Variants in PDE4D observed in about 807,000 individuals in gnomAD.
The protein encoded by PDE4D is 3',5'-cyclic-AMP phosphodiesterase 4D.
Under a neutral mutation model 87.4 loss-of-function variants are expected in PDE4D, and 24 were observed. The ratio of observed to expected loss-of-function variants is 0.27; its 90% CI spans 0.20 to 0.39. The LOEUF is 0.39. Ranked by LOEUF, PDE4D falls within the 10% of genes least tolerant of loss-of-function variation. The pLI is 1.00. For missense variants in PDE4D, 714 were observed against 1,041.0 expected (o/e 0.69, Z 4.32); for synonymous variants, 384 against 383.2 (o/e 1.00, Z -0.02).
chr5:59,528,044 G>A lies in PDE4D; in HGVS notation c.456-312076C>T, dbSNP rs540363045. Among the ~76,000 whole-genome samples, 4 of 152,266 alleles carry A rather than the reference G, an allele frequency of 2.6e-5. No individual in the cohort carries two copies. In the South Asian group the frequency reaches 6.2e-4, roughly 24 times the overall value. ...TTAAAGTCAATGATGTGAACTGCAC[G>A]CTTAAAGGTAAGCAAAATTCTTTTA... is the stretch of plus-strand genomic sequence containing the variant. On this transcript the variant is annotated intron_variant, in intron 1 of 14. Transcript: ENST00000340635.
chr5:59,128,410 T>G (rs769985036), intron 5 of PDE4D, among the ~76,000 whole-genome samples: 17 of 152,140 alleles, frequency 1.1e-4, no homozygotes, highest in Non-Finnish European at 2.1e-4. Context: ...TGTTAAGAGG[T>G]CTGCTCTCAA....
intron 1 of PDE4D, among the ~76,000 whole-genome samples, chr5:59,336,352 T>C (rs1256760539): frequency 6.6e-6 from 1 of 152,254 alleles, no homozygotes; most frequent in African/African-American, 2.4e-5. Context: ...CATCCATCAG[T>C]AACCTCAACA....
At chr5:59,219,213 G>T (rs574792805) in intron 1 of PDE4D, among the ~76,000 whole-genome samples, 2 of 150,106 alleles carry the variant, frequency 1.3e-5, no homozygotes, top group Middle Eastern at 3.5e-3. Flanking sequence ...AAAAAGAAAA[G>T]AAAAAAAATA....
intron 2 of PDE4D, among the ~76,000 whole-genome samples, chr5:60,066,884 A>G (rs955510727): frequency 6.6e-6 from 1 of 152,248 alleles, no homozygotes; most frequent in East Asian, 1.9e-4. Context: ...AGCTCAATAC[A>G]GCATTTTACT....
intron 5 of PDE4D, among the ~76,000 whole-genome samples, chr5:59,096,509 A>G (rs946857438): frequency 2.6e-5 from 4 of 152,136 alleles, no homozygotes; most frequent in Admixed American, 2.6e-4. Flanking sequence ...ACTGTGATTG[A>G]CTGATTGGTT....
In PDE4D at chr5:60,191,696, G is replaced by T. The variant is rs74714355; in HGVS notation, c.-89-6009C>A. Among the ~76,000 whole-genome samples the T allele has an allele frequency of 5.3e-4, 80 of 152,264 alleles. 1 individual carries two copies. In the East Asian group the frequency reaches 0.015, roughly 29 times the overall value. ...GTCTCTTCCATACTGCAAGTTGTATGATTAAAAAATATAACTTCTACCAGG... is the reference window on the plus strand; with the variant it reads ...GTCTCTTCCATACTGCAAGTTGTATTATTAAAAAATATAACTTCTACCAGG... On this transcript the variant is annotated intron_variant, in intron 1 of 16. Transcript: ENST00000502484.
rs58938460 is a variant in PDE4D, at chr5:60,172,265, T to TACACACAC, written c.42+13284_42+13291dup. Among the ~76,000 whole-genome samples the TACACACAC allele has an allele frequency of 5.1e-3, 725 of 140,996 alleles. 3 individuals are homozygous for TACACACAC. Among genetic ancestry groups the TACACACAC allele is most frequent in the African/African-American group, 9.1e-3 (345 of 38,100 alleles). The allele number at this position is 140,996 out of a possible 152,430, so 92.5% of individuals were successfully genotyped here. On this transcript the variant is annotated intron_variant, in intron 2 of 16. Coordinates refer to the PDE4D transcript ENST00000502484. ...CATAACCTTATGCCAAGTACTTCAA[T>TACACACAC]ACACACACACACACACACACACACA...
At chr5:60,340,021 A>G (rs1399725361) in intron 1 of PDE4D, among the ~76,000 whole-genome samples, 1 of 152,242 alleles carries the variant, frequency 6.6e-6, no homozygotes, top group Non-Finnish European at 1.5e-5. Context: ...TCAATAAGCC[A>G]GATTATAAAC....
chr5:60,410,272 A>G (rs1010913305), intron 1 of PDE4D, among the ~76,000 whole-genome samples: 11 of 152,148 alleles, frequency 7.2e-5, no homozygotes, highest in African/African-American at 2.7e-4. Flanking sequence ...AAGTGCGATC[A>G]GTGGACACCA....
At chr5:60,401,296 G>T (rs187720480) in intron 1 of PDE4D, among the ~76,000 whole-genome samples, 219 of 152,292 alleles carry the variant, frequency 1.4e-3, no homozygotes, top group Non-Finnish European at 2.4e-3. Context: ...TTATTTTATG[G>T]TTAGGCTTTT....
chr5:60,498,102 C>T (rs987541402), intron 1 of PDE4D, among the ~76,000 whole-genome samples: 24 of 151,938 alleles, frequency 1.6e-4, no homozygotes, highest in Non-Finnish European at 3.1e-4. Context: ...GTTTGGATAA[C>T]AGAAAGAAGG....
At chr5:59,359,111 T>C (rs1205827255) in intron 1 of PDE4D, among the ~76,000 whole-genome samples, 1 of 152,214 alleles carries the variant, frequency 6.6e-6, no homozygotes. Context: ...GACATACGAA[T>C]AATCTAGAAT....
intron 1 of PDE4D, among the ~76,000 whole-genome samples, chr5:60,474,153 A>ATATAT (rs1477103420): frequency 3.4e-4 from 15 of 44,250 alleles, no homozygotes; most frequent in African/African-American, 1.9e-3. Context: ...TATATATAAC[A>ATATAT]AAAACCTTAG....
At chr5:60,145,246 C>G (rs536652017) in intron 2 of PDE4D, among the ~76,000 whole-genome samples, 1 of 152,248 alleles carries the variant, frequency 6.6e-6, no homozygotes, top group African/African-American at 2.4e-5. Context: ...ATATTTTCTG[C>G]CAGAGTGACA....
At chr5:59,440,575 A>C (rs2153635862) in intron 1 of PDE4D, among the ~76,000 whole-genome samples, 1 of 152,278 alleles carries the variant, frequency 6.6e-6, no homozygotes, top group East Asian at 1.9e-4. Context: ...TTGGGAGTTC[A>C]AGACCATCCT....
chr5:59,503,068 G>A (rs1808611546), intron 1 of PDE4D, among the ~76,000 whole-genome samples: 2 of 152,060 alleles, frequency 1.3e-5, no homozygotes, highest in African/African-American at 4.8e-5. Context: ...GCATCAGAAA[G>A]CATAATTTAA....
In PDE4D at chr5:59,365,527, A is replaced by T. The variant is rs541793905; in HGVS notation, c.456-149559T>A. Among the ~76,000 whole-genome samples, 12 of 152,298 alleles carry T rather than the reference A, an allele frequency of 7.9e-5. No individual in the cohort carries two copies. The South Asian group carries it at 2.5e-3, about 32-fold the overall frequency. On this transcript the variant is annotated intron_variant, in intron 1 of 14. Coordinates refer to ENST00000340635, the MANE Select transcript of PDE4D (RefSeq NM_001104631.2). ...TTTTCAGATCATCAACATTAAAAAC[A>T]TATCAAATGAGTTATTTTTGGTGAA...
chr5:59,829,413 C>T (rs1561729160), intron 1 of PDE4D, among the ~76,000 whole-genome samples: 1 of 151,856 alleles, frequency 6.6e-6, no homozygotes, highest in South Asian at 2.1e-4. Context: ...TGAATTACTT[C>T]CTTACTCTCT....
At chr5:60,259,014 CT>C (rs1169024270) in intron 1 of PDE4D, among the ~76,000 whole-genome samples, 7 of 151,954 alleles carry the variant, frequency 4.6e-5, no homozygotes, top group African/African-American at 1.7e-4. Context: ...TTTTCCCCTA[CT>C]TTCAAAACAT....
Sources: allele counts gnomAD v4.1 joint callset (sites outside exome capture counted in the v4.1 genomes callset), GRCh38; gene constraint gnomAD v4.1.1; transcripts MANE v1.5; gene names NCBI Gene and HGNC (gene_info 2026-07-23, HGNC 2026-07-21).